KHDRBS2: variants seen among roughly 807,000 people sequenced by gnomAD.
The protein encoded by KHDRBS2 is KH domain-containing, RNA-binding, signal transduction-associated protein 2.
A neutral mutation model predicts 44.3 loss-of-function variants in KHDRBS2; 26 were observed. The observed-to-expected ratio is 0.59, with a 90% confidence interval of 0.43 to 0.81. KHDRBS2 has a LOEUF of 0.81. Ranked by LOEUF, KHDRBS2 falls within the 40% of genes least tolerant of loss-of-function variation. KHDRBS2 has a pLI of 0.00. For synonymous variants in KHDRBS2, 194 were observed against 151.1 expected (o/e 1.28, Z -2.08); for missense variants, 476 against 433.1 (o/e 1.10, Z -0.88).
At chr6:62,026,014 GATT>G (rs1327220834) in intron 3 of KHDRBS2, among the ~76,000 whole-genome samples, 1 of 151,854 alleles carries the variant, frequency 6.6e-6, no homozygotes, top group Admixed American at 6.6e-5. Flanking sequence ...CATTTAAATG[GATT>G]ATTATTAGTA....
intron 2 of KHDRBS2, among the ~76,000 whole-genome samples, chr6:62,175,011 GA>G (rs1038114425): frequency 1.3e-5 from 2 of 151,084 alleles, no homozygotes; most frequent in Non-Finnish European, 3.0e-5. Flanking sequence ...TGAACAGCAG[GA>G]AAAAAATCAC....
At chr6:61,585,442 T>C in the KHDRBS2 span, among the ~76,000 whole-genome samples, 1 of 152,164 alleles carries the variant, frequency 6.6e-6, no homozygotes, top group East Asian at 1.9e-4. Context: ...TGACTAAAAT[T>C]ATAATTATAG....
intron 1 of KHDRBS2, among the ~76,000 whole-genome samples, chr6:62,252,550 T>C (rs1585431537): frequency 6.6e-6 from 1 of 152,098 alleles, no homozygotes; most frequent in Non-Finnish European, 1.5e-5. Context: ...AAGGACTGTA[T>C]CAGATTTCTT....
At chr6:61,682,252 A>G (rs1210348176) in intron 8 of KHDRBS2, among the ~76,000 whole-genome samples, 1 of 151,884 alleles carries the variant, frequency 6.6e-6, no homozygotes, top group Non-Finnish European at 1.5e-5. Flanking sequence ...AATGATCAAA[A>G]GTTTATCATT....
chr6:61,552,262 C>T, the KHDRBS2 span, among the ~76,000 whole-genome samples: 1 of 151,526 alleles, frequency 6.6e-6, no homozygotes, highest in Admixed American at 6.6e-5. Flanking sequence ...TGGTGTTATT[C>T]TTTTTATGGT....
rs542902307 is a variant in KHDRBS2, at chr6:62,160,807, A to C, written c.219+16378T>G. ...GAGTTCTTTGTTCCAATTTTTAAAAAATTTTGGGGAAATACATATAAAATA... is the reference window on the plus strand; with the variant it reads ...GAGTTCTTTGTTCCAATTTTTAAAACATTTTGGGGAAATACATATAAAATA... On this transcript the variant is annotated intron_variant, in intron 2 of 8. Coordinates refer to ENST00000281156, the MANE Select transcript of KHDRBS2 (RefSeq NM_152688.4). Among the ~76,000 whole-genome samples, 320 of 152,204 alleles carry C rather than the reference A, an allele frequency of 2.1e-3. 1 individual carries two copies. Among genetic ancestry groups the C allele is most frequent in the African/African-American group, 7.2e-3 (301 of 41,562 alleles).
At chr6:61,651,808 A>G in the KHDRBS2 span, among the ~76,000 whole-genome samples, 139 of 152,004 alleles carry the variant, frequency 9.1e-4, 8 homozygotes, top group Non-Finnish European at 4.4e-5. Context: ...TGCTATAAGT[A>G]TGTTCTAAAG....
At chr6:61,626,233 T>C in the KHDRBS2 span, among the ~76,000 whole-genome samples, 1 of 152,340 alleles carries the variant, frequency 6.6e-6, no homozygotes, top group East Asian at 1.9e-4. Flanking sequence ...TTTTTAATTG[T>C]GCGACTGTTG....
At chr6:61,617,394 G>C in the KHDRBS2 span, among the ~76,000 whole-genome samples, 2 of 151,268 alleles carry the variant, frequency 1.3e-5, no homozygotes, top group African/African-American at 4.9e-5. Context: ...CATTGTCCTA[G>C]TTATCTATCA....
intron 1 of KHDRBS2, among the ~76,000 whole-genome samples, chr6:62,209,836 A>C (rs951763829): frequency 6.6e-6 from 1 of 152,126 alleles, no homozygotes; most frequent in Admixed American, 6.6e-5. Flanking sequence ...TCATACTCCA[A>C]GTTCTTTAGC....
chr6:61,581,382 T>C, the KHDRBS2 span, among the ~76,000 whole-genome samples: 1 of 151,988 alleles, frequency 6.6e-6, no homozygotes, highest in Non-Finnish European at 1.5e-5. Flanking sequence ...ACCACAGAAA[T>C]TAAAAATGTT....
chr6:61,953,866 C>T (rs556517142), intron 4 of KHDRBS2, among the ~76,000 whole-genome samples: 1 of 152,114 alleles, frequency 6.6e-6, no homozygotes, highest in African/African-American at 2.4e-5. Context: ...GCAAATAAAC[C>T]TAAACAAGAT....
intron 8 of KHDRBS2, among the ~76,000 whole-genome samples, chr6:61,681,410 T>C (rs568243210): frequency 6.6e-6 from 1 of 151,942 alleles, no homozygotes; most frequent in African/African-American, 2.4e-5. Flanking sequence ...CACCTGGAAA[T>C]ATTAAACAAT....
intron 6 of KHDRBS2, among the ~76,000 whole-genome samples, chr6:61,840,197 G>A (rs1793384710): frequency 6.6e-6 from 1 of 151,974 alleles, no homozygotes; most frequent in African/African-American, 2.4e-5. Flanking sequence ...TATTAAAATT[G>A]CATGCATTAA....
At chr6:61,655,947 G>A in the KHDRBS2 span, among the ~76,000 whole-genome samples, 1 of 152,048 alleles carries the variant, frequency 6.6e-6, no homozygotes, top group East Asian at 1.9e-4. Context: ...TCAGTAGGAA[G>A]TTTGGGCCCC....
intron 1 of KHDRBS2, among the ~76,000 whole-genome samples, chr6:62,232,967 C>T (rs962284290): frequency 1.3e-5 from 2 of 152,160 alleles, no homozygotes; most frequent in African/African-American, 4.8e-5. Flanking sequence ...ACAGCTCTGT[C>T]ACCTCTTACA....
intron 3 of KHDRBS2, among the ~76,000 whole-genome samples, chr6:61,999,822 A>C (rs1777887696): frequency 6.6e-6 from 1 of 152,078 alleles, no homozygotes; most frequent in African/African-American, 2.4e-5. Flanking sequence ...TTTTTATTTG[A>C]TAAAAAACAT....
At chr6:62,018,932 A>G (rs1324716377) in intron 3 of KHDRBS2, among the ~76,000 whole-genome samples, 1 of 152,066 alleles carries the variant, frequency 6.6e-6, no homozygotes, top group Non-Finnish European at 1.5e-5. Context: ...AATTTTTCTA[A>G]TGTTATTAGT....
At chr6:61,850,214 T>C (rs1012142091) in intron 6 of KHDRBS2, among the ~76,000 whole-genome samples, 4 of 151,956 alleles carry the variant, frequency 2.6e-5, no homozygotes, top group Admixed American at 6.6e-5. Flanking sequence ...ATTATTTATA[T>C]TAGTTTTTTG....
Sources: gnomAD v4.1 joint callset for allele counts (sites outside exome capture counted in the v4.1 genomes callset) on GRCh38, gnomAD v4.1.1 for gene constraint, MANE v1.5 for transcripts, NCBI Gene and HGNC (gene_info 2026-07-23, HGNC 2026-07-21) for gene names.